PTN: variants seen among roughly 807,000 people sequenced by gnomAD.
PTN encodes the protein heparin affin regulatory protein.
PTN carries 18 observed loss-of-function variants against 24.1 expected under a neutral mutation model. That is an observed-to-expected ratio of 0.75 (90% CI 0.52 to 1.11). The LOEUF is 1.11. Ranked by LOEUF, PTN falls within the 50% of genes least tolerant of loss-of-function variation. PTN has a pLI of 0.00. For missense variants in PTN, 163 were observed against 198.8 expected, an observed-to-expected ratio of 0.82 and a Z score of 1.08; for synonymous variants, 78 against 68.6, an observed-to-expected ratio of 1.14 and a Z score of -0.67.
At chr7:137,262,959 G>C (rs1223249712) in intron 1 of PTN, among the ~76,000 whole-genome samples, 8 of 151,964 alleles carry the variant, frequency 5.3e-5, no homozygotes. Context: ...TTCCTTTTCT[G>C]AGTATAAAAC....
intron 1 of PTN, among the ~76,000 whole-genome samples, chr7:137,278,900 C>G (rs1809415445): frequency 6.6e-6 from 1 of 150,688 alleles, no homozygotes; most frequent in Non-Finnish European, 1.5e-5. Context: ...AAGATCACAC[C>G]ATTGCACTCC....
intron 1 of PTN, among the ~76,000 whole-genome samples, chr7:137,329,469 G>A (rs1039115131): frequency 3.3e-5 from 5 of 152,120 alleles, no homozygotes; most frequent in African/African-American, 1.2e-4. Context: ...ACTGTCCAGG[G>A]TGAAGGTAGA....
intron 1 of PTN, among the ~76,000 whole-genome samples, chr7:137,294,482 T>G (rs927000005): frequency 6.6e-6 from 1 of 152,148 alleles, no homozygotes; most frequent in African/African-American, 2.4e-5. Context: ...CCTTTTAAAA[T>G]TTAGACTCTG....
intron 3 of PTN, among the ~76,000 whole-genome samples, chr7:137,252,555 T>C (rs1169831972): frequency 6.6e-6 from 1 of 151,856 alleles, no homozygotes; most frequent in Non-Finnish European, 1.5e-5. Flanking sequence ...CTGTTCTCCA[T>C]CACACTTTTA....
At chr7:137,279,017 T>A (rs1235882499) in intron 1 of PTN, among the ~76,000 whole-genome samples, 1 of 149,946 alleles carries the variant, frequency 6.7e-6, no homozygotes, top group African/African-American at 2.4e-5. Context: ...AATCATAATC[T>A]GAAATTTAAA....
chr7:137,322,688 G>T (rs575925204), intron 1 of PTN, among the ~76,000 whole-genome samples: 2 of 152,154 alleles, frequency 1.3e-5, no homozygotes, highest in Non-Finnish European at 2.9e-5. Flanking sequence ...AGAGTCATTA[G>T]AACAGCTTGC....
In PTN at chr7:137,233,897, C is replaced by CAT. The variant is rs200143343; in HGVS notation, c.452-5823_452-5822insAT. On this transcript the variant is annotated intron_variant, in intron 4 of 4. Transcript: ENST00000348225. ...CATATAAAAACCAAAGAAACACACA[C>CAT]ACACACACACACATACATATATGTA... Among the ~76,000 whole-genome samples the CAT allele has an allele frequency of 3.3e-5, 5 of 150,480 alleles. No homozygotes were observed. The East Asian group carries it at 9.8e-4, about 30-fold the overall frequency.
chr7:137,280,164 AG>A (rs1175096351), intron 1 of PTN, among the ~76,000 whole-genome samples: 2 of 152,188 alleles, frequency 1.3e-5, no homozygotes, highest in Non-Finnish European at 2.9e-5. Flanking sequence ...TTTAATTCTT[AG>A]AAAATCTAAT....
rs2128866508 is a variant in PTN, at chr7:137,227,600, C to T, written c.*420G>A. 6.5e-6 allele frequency: 1 copy of T among 152,768 alleles called. No homozygotes were observed. The allele number at this position is 152,768 out of a possible 1,614,324, so 9.5% of individuals were successfully genotyped here. A position where few individuals can be genotyped will look rare whatever the true frequency, so the allele number is the denominator to read the frequency against. Reference sequence around the variant, plus strand: ...CAAATAGAGTGATTATGTTTTATTGCTATTTTGTTTAGTATATATTTTTCT... The same window carrying T: ...CAAATAGAGTGATTATGTTTTATTGTTATTTTGTTTAGTATATATTTTTCT... On this transcript the variant is annotated 3_prime_UTR_variant, in exon 5 of 5. Transcript: ENST00000348225.
At chr7:137,261,457 A>G (rs952811190) in intron 1 of PTN, among the ~76,000 whole-genome samples, 90 of 152,228 alleles carry the variant, frequency 5.9e-4, no homozygotes, top group African/African-American at 2.0e-3. Context: ...ATGATTTTAC[A>G]TAGATGATCT....
intron 1 of PTN, among the ~76,000 whole-genome samples, chr7:137,337,744 G>A (rs1245733484): frequency 6.6e-6 from 1 of 152,146 alleles, no homozygotes; most frequent in Non-Finnish European, 1.5e-5. Flanking sequence ...GAGAGTGGGA[G>A]AAGTTTCTGG....
intron 1 of PTN, among the ~76,000 whole-genome samples, chr7:137,294,030 T>C (rs1025875795): frequency 1.8e-4 from 28 of 152,182 alleles, no homozygotes; most frequent in Non-Finnish European, 3.8e-4. Context: ...CTTGAGTCTG[T>C]TCTTACACAT....
intron 1 of PTN, among the ~76,000 whole-genome samples, chr7:137,331,399 T>G (rs1403385515): frequency 1.3e-5 from 2 of 152,146 alleles, no homozygotes; most frequent in Non-Finnish European, 1.5e-5. Flanking sequence ...TTAAAAAGGC[T>G]AAAAATCACT....
At chr7:137,288,425 C>G (rs1179285042) in intron 1 of PTN, among the ~76,000 whole-genome samples, 3 of 152,150 alleles carry the variant, frequency 2.0e-5, no homozygotes, top group Admixed American at 2.0e-4. Flanking sequence ...ACACACCTTG[C>G]CCACCCAGTT....
At chr7:137,288,076 G>T (rs748346785) in intron 1 of PTN, among the ~76,000 whole-genome samples, 15 of 152,188 alleles carry the variant, frequency 9.9e-5, no homozygotes, top group East Asian at 1.9e-4. Context: ...AGGGTTTTGG[G>T]GTCAGGTCTC....
intron 4 of PTN, among the ~76,000 whole-genome samples, chr7:137,231,645 C>T (rs17168991): frequency 0.081 from 12,344 of 151,820 alleles, 779 homozygotes; most frequent in East Asian, 0.33. Flanking sequence ...TTGTTGCATG[C>T]GGAGTGGATA....
At chr7:137,265,920 C>A (rs1345921433) in intron 1 of PTN, among the ~76,000 whole-genome samples, 4 of 152,002 alleles carry the variant, frequency 2.6e-5, no homozygotes, top group Non-Finnish European at 5.9e-5. Flanking sequence ...AGTTTTTAGA[C>A]CAAAGAAAGC....
chr7:137,331,349 G>A (rs931749461), intron 1 of PTN, among the ~76,000 whole-genome samples: 1 of 152,126 alleles, frequency 6.6e-6, no homozygotes, highest in Admixed American at 6.5e-5. Flanking sequence ...GTATCAGAAG[G>A]CAAACTGTAA....
At chr7:137,258,656 C>G (rs1226929718) in intron 1 of PTN, among the ~76,000 whole-genome samples, 1 of 152,166 alleles carries the variant, frequency 6.6e-6, no homozygotes, top group Non-Finnish European at 1.5e-5. Context: ...CAATACCCAA[C>G]TAGCCTGCTG....
Sources: gnomAD v4.1 joint callset for allele counts (sites outside exome capture counted in the v4.1 genomes callset) on GRCh38, gnomAD v4.1.1 for gene constraint, MANE v1.5 for transcripts, NCBI Gene and HGNC (gene_info 2026-07-23, HGNC 2026-07-21) for gene names.